ARHGAP28: variants seen among roughly 807,000 people sequenced by gnomAD.
ARHGAP28 encodes rho GTPase-activating protein 28.
In ARHGAP28, 56 loss-of-function variants were observed where a neutral mutation model predicts 90.7. The observed-to-expected ratio is 0.62, with a 90% confidence interval of 0.50 to 0.77. The LOEUF (loss-of-function observed/expected upper bound fraction) is 0.77, where lower values mean the gene tolerates loss of function less well. Ranked by LOEUF, ARHGAP28 falls within the 30% of genes least tolerant of loss-of-function variation. The pLI, the probability that ARHGAP28 is intolerant of heterozygous loss-of-function variation, is 0.00. For synonymous variants in ARHGAP28, 308 were observed against 323.3 expected (o/e 0.95, Z 0.51); for missense variants, 869 against 900.9 (o/e 0.96, Z 0.45).
intron 1 of ARHGAP28, among the ~76,000 whole-genome samples, chr18:6,787,068 A>C (rs934379603): frequency 6.6e-6 from 1 of 151,930 alleles, no homozygotes; most frequent in Non-Finnish European, 1.5e-5. Context: ...AAAAACACAA[A>C]AATTAGCCGG....
chr18:6,841,209 CTCTCT>C (rs2056822536), intron 3 of ARHGAP28, among the ~76,000 whole-genome samples: 1 of 17,592 alleles, frequency 5.7e-5, no homozygotes, highest in Non-Finnish European at 1.4e-4. Flanking sequence ...CTCTCCTCTC[CTCTCT>C]CTCTCTCTCC....
intron 15 of ARHGAP28, among the ~76,000 whole-genome samples, chr18:6,895,364 CTG>C (rs1418452974): frequency 6.6e-6 from 1 of 152,108 alleles, no homozygotes; most frequent in Non-Finnish European, 1.5e-5. Context: ...AGAACTGACT[CTG>C]TTCTAAAATA....
At chr18:6,819,014 C>T (rs1052072486) in intron 1 of ARHGAP28, among the ~76,000 whole-genome samples, 13 of 152,254 alleles carry the variant, frequency 8.5e-5, no homozygotes, top group African/African-American at 4.8e-5. Flanking sequence ...TTGGCTACTT[C>T]GTGGGGTGCA....
intron 1 of ARHGAP28, chr18:6,788,611 A>C (rs2056383759): frequency 6.6e-6 from 1 of 151,724 alleles, no homozygotes; most frequent in African/African-American, 2.4e-5. Context: ...ACAGGCACCC[A>C]CCACCACACC....
intron 17 of ARHGAP28, among the ~76,000 whole-genome samples, chr18:6,910,284 T>G (rs909497241): frequency 2.0e-5 from 3 of 152,208 alleles, no homozygotes; most frequent in Non-Finnish European, 4.4e-5. Flanking sequence ...TTATTTCTTG[T>G]CCTCTCAGCC....
At chr18:6,845,133 C>T (rs1024057489) in intron 3 of ARHGAP28, among the ~76,000 whole-genome samples, 9 of 152,184 alleles carry the variant, frequency 5.9e-5, no homozygotes, top group Non-Finnish European at 1.3e-4. Context: ...GGCTGCAGTG[C>T]AGTTGCACAG....
intron 1 of ARHGAP28, among the ~76,000 whole-genome samples, chr18:6,811,117 T>C (rs1219615968): frequency 8.7e-6 from 1 of 114,492 alleles, no homozygotes; most frequent in East Asian, 2.2e-4. Flanking sequence ...AGTCAAATAT[T>C]ACAGAGTTCT....
At chr18:6,847,632 T>G (rs987732428) in intron 3 of ARHGAP28, among the ~76,000 whole-genome samples, 30 of 148,118 alleles carry the variant, frequency 2.0e-4, no homozygotes, top group African/African-American at 4.3e-4. Flanking sequence ...AGAGTGGGGG[T>G]GTGTGTGTGT....
intron 2 of ARHGAP28, among the ~76,000 whole-genome samples, chr18:6,827,229 G>GGGC (rs1281686817): frequency 6.6e-6 from 1 of 152,048 alleles, no homozygotes; most frequent in African/African-American, 2.4e-5. Context: ...GGTGGTGGCC[G>GGGC]GGCAGAGGGG....
At chr18:6,760,092 G>A (rs2056146357) in intron 1 of ARHGAP28, among the ~76,000 whole-genome samples, 1 of 152,116 alleles carries the variant, frequency 6.6e-6, no homozygotes. Flanking sequence ...TCCTAACTAT[G>A]CCTGCCTATG....
chr18:6,836,295 T>C (rs2056753128), intron 2 of ARHGAP28: 1 of 152,346 alleles, frequency 6.6e-6, no homozygotes, highest in Non-Finnish European at 1.5e-5. Context: ...TCCGGGACAC[T>C]TGCAATCAAC....
intron 1 of ARHGAP28, among the ~76,000 whole-genome samples, chr18:6,770,899 C>G (rs1362363710): frequency 1.3e-5 from 2 of 152,158 alleles, no homozygotes; most frequent in Non-Finnish European, 2.9e-5. Flanking sequence ...TGACCATACT[C>G]TGTTCTTAGA....
At chr18:6,835,793 G>C (rs532386245) in intron 2 of ARHGAP28, among the ~76,000 whole-genome samples, 1 of 152,222 alleles carries the variant, frequency 6.6e-6, no homozygotes, top group Admixed American at 6.5e-5. Flanking sequence ...AGAAAGGTGG[G>C]AGAATGAACA....
chr18:6,842,578 A>T (rs550780056), intron 3 of ARHGAP28, among the ~76,000 whole-genome samples: 2 of 152,038 alleles, frequency 1.3e-5, no homozygotes, highest in Non-Finnish European at 2.9e-5. Flanking sequence ...TCATGTGTTT[A>T]TTTTAGCATC....
intron 1 of ARHGAP28, among the ~76,000 whole-genome samples, chr18:6,792,342 G>A (rs2056412651): frequency 6.6e-6 from 1 of 152,124 alleles, no homozygotes; most frequent in African/African-American, 2.4e-5. Flanking sequence ...TTCAATAAAT[G>A]TTTAATAAAG....
At chr18:6,850,990 G>A in intron 3 of ARHGAP28, 44 bp from the exon 4 acceptor site, 2 of 1,605,386 alleles carry the variant, frequency 1.2e-6, no homozygotes, top group Non-Finnish European at 1.7e-6. Context: ...GTCATATTTG[G>A]AAAGATATGC....
At chr18:6,781,575 G>A (rs2056324951) in intron 1 of ARHGAP28, among the ~76,000 whole-genome samples, 1 of 152,076 alleles carries the variant, frequency 6.6e-6, no homozygotes, top group Admixed American at 6.5e-5. Flanking sequence ...GGTGACATGG[G>A]ATGTGTCTCT....
chr18:6,898,583 A>G (rs747119604), intron 16 of ARHGAP28: 12 of 1,603,586 alleles, frequency 7.5e-6, no homozygotes, highest in Middle Eastern at 1.7e-4. Context: ...AGGCAGTCAT[A>G]TAGAGACTTG....
chr18:6,826,117 G>GGT (rs2056660408), intron 2 of ARHGAP28, among the ~76,000 whole-genome samples: 1 of 138,506 alleles, frequency 7.2e-6, no homozygotes, highest in Non-Finnish European at 1.5e-5. Flanking sequence ...CATTGCCAGT[G>GGT]TTTTTTTTTT....
Sources: allele counts gnomAD v4.1 joint callset (sites outside exome capture counted in the v4.1 genomes callset), GRCh38; gene constraint gnomAD v4.1.1; transcripts MANE v1.5; gene names NCBI Gene and HGNC (gene_info 2026-07-23, HGNC 2026-07-21).